CD7: variants seen among roughly 807,000 people sequenced by gnomAD.
CD7 encodes the protein CD7 molecule.
In CD7, 19 loss-of-function variants were observed where a neutral mutation model predicts 17.6. The observed-to-expected ratio is 1.08, with a 90% CI of 0.75 to 1.58. The LOEUF is 1.58. CD7 is among the 40% of genes most tolerant of loss of function. The pLI is 0.00. For synonymous variants in CD7, 160 were observed against 159.8 expected (o/e 1.00, Z -0.01); for missense variants, 291 against 327.1 (o/e 0.89, Z 0.85).
chr17:82,317,369 G>A, intron 1 of CD7, 45 bp downstream of exon 1: 1 of 1,505,290 alleles, frequency 6.6e-7, no homozygotes. Context: ...ATGGGGCAGG[G>A]AGAGCTCTGG....
rs901819364 is a variant in CD7 at position 82,315,189 on chromosome 17, C to T, written c.*132G>A. 5.2e-5 allele frequency: 34 copies of T among 649,408 alleles called. No individual in the cohort carries two copies. The highest frequency in any genetic ancestry group is 1.4e-4 in the East Asian group (5 of 36,094). The allele number at this position is 649,408 out of a possible 1,614,324, so 40.2% of individuals were successfully genotyped here. On this transcript the variant is annotated 3_prime_UTR_variant, in exon 4 of 4. Coordinates refer to ENST00000312648, the MANE Select transcript of CD7 (RefSeq NM_006137.7). ...CTGTGTGTCTGCTTGGAGCTGGGCACGGCTGGGCCCTTCAAACTCTGCTGC... is the reference window on the plus strand; with the variant it reads ...CTGTGTGTCTGCTTGGAGCTGGGCATGGCTGGGCCCTTCAAACTCTGCTGC...
Position 82,316,176 on chromosome 17 carries a change from A to T in CD7, c.612+19T>A. 6.4e-7 allele frequency: 1 copy of T among 1,550,506 alleles called. No homozygotes were observed. Among genetic ancestry groups the T allele is most frequent in the Non-Finnish European group, 8.7e-7 (1 of 1,146,430 alleles). On this transcript the variant is annotated intron_variant, in intron 3 of 3. Transcript: ENST00000312648. Reference sequence around the variant, plus strand: ...GAACAATCTTTGGGGTGCAGGTGGCAGCTGGGGCTCACACTGACCTGTGTC... The same window carrying T: ...GAACAATCTTTGGGGTGCAGGTGGCTGCTGGGGCTCACACTGACCTGTGTC...
Position 82,316,207 on chromosome 17 carries a change from C to T in CD7, c.600G>A (p.Leu200=), listed in dbSNP as rs749955935. Residue 200 remains leucine, a synonymous_variant, in exon 3 of 4, where the codon CTG becomes CTA. Coordinates refer to ENST00000312648, the MANE Select transcript of CD7 (RefSeq NM_006137.7). ...LGLGLGVACV[L]ARTQIKKLCS... ...GGCTCACACTGACCTGTGTCCTCGCCAGCACACACGCCACCCCCAGGCCCA... is the reference window on the plus strand; with the variant it reads ...GGCTCACACTGACCTGTGTCCTCGCTAGCACACACGCCACCCCCAGGCCCA... 8 of 1,561,162 alleles carry T rather than the reference C, an allele frequency of 5.1e-6. No individual in the cohort carries two copies. Among genetic ancestry groups the T allele is most frequent in the Middle Eastern group, 1.7e-4 (1 of 5,988 alleles).
intron 2 of CD7, 24 bp downstream of exon 2, chr17:82,316,643 G>C: frequency 1.9e-6 from 3 of 1,602,504 alleles, no homozygotes; most frequent in Middle Eastern, 1.7e-4. Flanking sequence ...TGGGAGGGGG[G>C]TCTGGGATGG....
chr17:82,315,157 C>A lies in CD7; in HGVS notation c.*164G>T. 1 of 605,230 alleles carries A rather than the reference C, an allele frequency of 1.7e-6. No homozygotes were observed. Among genetic ancestry groups the A allele is most frequent in the South Asian group, 1.8e-5 (1 of 55,186 alleles). The allele number at this position is 605,230 out of a possible 1,614,324, so 37.5% of individuals were successfully genotyped here. On this transcript the variant is annotated 3_prime_UTR_variant, in exon 4 of 4. Coordinates refer to ENST00000312648, the MANE Select transcript of CD7 (RefSeq NM_006137.7). The stretch of plus-strand genomic sequence containing the variant: ...CACTGAGAAGCACCGTGGGGCCTGG[C>A]CACTGCCTGTGTGTCTGCTTGGAGC...
chr17:82,316,772 T>C lies in CD7; in HGVS notation c.292A>G (p.Thr98Ala). The C allele has an allele frequency of 6.2e-7, 1 of 1,613,772 alleles. No homozygotes were observed. Among genetic ancestry groups the C allele is most frequent in the Non-Finnish European group, 8.5e-7 (1 of 1,179,926 alleles). The stretch of plus-strand genomic sequence containing the variant: ...AGCTGCAGGCGGTGCATGGTGATAG[T>C]CAGGTTGTCCTGGGACCCTGAGAAG... ...IDFSGSQDNL[T>A]ITMHRLQLSD... is the part of the protein sequence containing the mutation. Residue 98 changes from threonine to alanine, a missense_variant, in exon 2 of 4, where the codon ACT (threonine) becomes GCT (alanine). Transcript: ENST00000312648.
At position 82,315,593 on chromosome 17, in the gene CD7, C is replaced by T; in HGVS notation, c.613-162G>A. The T allele has an allele frequency of 4.9e-6, 3 of 617,260 alleles. No individual in the cohort carries two copies. The South Asian group carries it at 5.5e-5, about 11-fold the overall frequency. 38.2% of individuals were successfully genotyped at this position (617,260 alleles called of 1,614,324 possible). A position where few individuals can be genotyped will look rare whatever the true frequency, so the allele number is the denominator to read the frequency against. On this transcript the variant is annotated intron_variant, in intron 3 of 3. Transcript: ENST00000312648. ...CCAGGGCTTCCCAGCAGAGCCTTCC[C>T]CAGGCAGGGCTGGGTCGGACCCTGG... is the stretch of plus-strand genomic sequence containing the variant.
rs199836102 is a variant in CD7, at chr17:82,316,280, G to A, written c.527C>T (p.Ala176Val). 269 of 1,465,846 alleles carry A rather than the reference G, an allele frequency of 1.8e-4. No individual in the cohort carries two copies. The African/African-American group carries it at 3.2e-3, about 18-fold the overall frequency. The allele number at this position is 1,465,846 out of a possible 1,614,324, so 90.8% of individuals were successfully genotyped here. ...CGCCAGGGCCGCAGGGAGGGCAGAG[G>A]CTGCTGGCGGGTCAGGGAGGGCAGA... ...TASALPDPPAASALPAALAVI... is the reference protein window; with the variant it reads ...TASALPDPPAVSALPAALAVI... The change falls in exon 3 of 4, where the codon GCC becomes GTC. Residue 176 changes from alanine to valine, a missense_variant. Ala to Val is a moderately conservative substitution (Grantham distance 64, BLOSUM62 0). Transcript: ENST00000312648.
At chr17:82,315,763 T>C in intron 3 of CD7, 1 of 550,794 alleles carries the variant, frequency 1.8e-6, no homozygotes, top group Admixed American at 3.1e-5. Context: ...TGAGGCCCCC[T>C]CCCCTTCCCA....
chr17:82,317,343 T>G, intron 1 of CD7, 71 bp downstream of exon 1: 1 of 1,405,448 alleles, frequency 7.1e-7, no homozygotes. Context: ...TGGCTCAGAC[T>G]GGGGGCTCTG....
At chr17:82,315,732 C>T (rs1325379095) in intron 3 of CD7, 1 of 548,262 alleles carries the variant, frequency 1.8e-6, no homozygotes, top group East Asian at 3.1e-5. Flanking sequence ...GGAGTGGCCA[C>T]GCCTAGACTC....
chr17:82,317,422 G>T lies in CD7; in HGVS notation c.74C>A (p.Ala25Asp), dbSNP rs1285095709. 1 of 1,557,516 alleles carries T rather than the reference G, an allele frequency of 6.4e-7. No homozygotes were observed. The highest frequency in any genetic ancestry group is 8.7e-7 in the Non-Finnish European group (1 of 1,152,696). Residue 25 changes from alanine (A) to aspartate (D), a missense_variant, in exon 1 of 4, where the codon GCT (alanine) becomes GAT (aspartate). Physicochemically the swap from Ala to Asp is moderately radical, Grantham distance 126. Coordinates refer to ENST00000312648, the MANE Select transcript of CD7 (RefSeq NM_006137.7). ...GCCTGGGAAGCTCTTACCTTGGGCA[G>T]CCAGGGCCCCAGGCAGGCCGCGAGC... ...ALARGLPGAL[A>D]AQEVQQSPHC...
At chr17:82,316,626 C>T in intron 2 of CD7, 41 bp downstream of exon 2, 1 of 1,583,884 alleles carries the variant, frequency 6.3e-7, no homozygotes, top group Non-Finnish European at 8.6e-7. Context: ...TGGCCAGCAG[C>T]TGGGGTTGGG....
rs1229477316 is a variant in CD7 at position 82,317,524 on chromosome 17, G to T, written c.-29C>A. ...CCCCACACCCAGCTCTCCCAGCCGG[G>T]CGAGTGCAGCTGAGCCTCTCTGGGT... On this transcript the variant is annotated 5_prime_UTR_variant, in exon 1 of 4. Coordinates refer to ENST00000312648, the MANE Select transcript of CD7 (RefSeq NM_006137.7). The T allele has an allele frequency of 5.2e-6, 8 of 1,539,998 alleles. No individual in the cohort carries two copies. The highest frequency in any genetic ancestry group is 7.0e-6 in the Non-Finnish European group (8 of 1,141,168).
At position 82,315,320 on chromosome 17, in the gene CD7, G is replaced by A; in HGVS notation, c.*1C>T. The A allele has an allele frequency of 1.2e-6, 2 of 1,608,090 alleles. No individual in the cohort carries two copies. The highest frequency in any genetic ancestry group is 1.7e-6 in the Non-Finnish European group (2 of 1,175,476). On this transcript the variant is annotated 3_prime_UTR_variant, in exon 4 of 4. Coordinates refer to ENST00000312648, the MANE Select transcript of CD7 (RefSeq NM_006137.7). The stretch of plus-strand genomic sequence containing the variant: ...GGCGGGACGTGCAGGGGCCCACTGG[G>A]TCACTGGTACTGGTTGGGGGAGGAC...
In CD7 at chr17:82,315,127, T is replaced by G; in HGVS notation, c.*194A>C. On this transcript the variant is annotated 3_prime_UTR_variant, in exon 4 of 4. Coordinates refer to ENST00000312648, the MANE Select transcript of CD7 (RefSeq NM_006137.7). Reference sequence around the variant, plus strand: ...GGAAGGCTTCCCGGAGGAGGCATCATTGTCCACTGAGAAGCACCGTGGGGC... The same window carrying G: ...GGAAGGCTTCCCGGAGGAGGCATCAGTGTCCACTGAGAAGCACCGTGGGGC... The G allele has an allele frequency of 1.1e-5, 6 of 542,846 alleles. No individual in the cohort carries two copies. The highest frequency in any genetic ancestry group is 1.9e-5 in the African/African-American group (1 of 52,476). The allele number at this position is 542,846 out of a possible 1,614,324, so 33.6% of individuals were successfully genotyped here.
chr17:82,317,330 C>G (rs964534389), intron 1 of CD7, 84 bp downstream of exon 1: 31 of 1,316,356 alleles, frequency 2.4e-5, no homozygotes, highest in Admixed American at 4.0e-5. Context: ...GGGGGCTGTG[C>G]TGTGGCTCAG....
In CD7 at chr17:82,316,725, G is replaced by A; in HGVS notation, c.339C>T (p.Thr113=). 2 of 1,613,778 alleles carry A rather than the reference G, an allele frequency of 1.2e-6. No individual in the cohort carries two copies. The highest frequency in any genetic ancestry group is 1.7e-6 in the Non-Finnish European group (2 of 1,180,000). Residue 113 remains threonine (T), a synonymous_variant, in exon 2 of 4, where the codon ACC becomes ACT. Coordinates refer to ENST00000312648, the MANE Select transcript of CD7 (RefSeq NM_006137.7). The part of the protein sequence containing the change: ...RLQLSDTGTY[T]CQAITEVNVY... ...CATTGACCTCCGTGATGGCCTGGCA[G>A]GTGTAGGTGCCAGTGTCCGACAGCT... is the stretch of plus-strand genomic sequence containing the variant.
intron 3 of CD7, chr17:82,315,813 C>T: frequency 1.7e-6 from 1 of 582,636 alleles, no homozygotes; most frequent in Non-Finnish European, 3.1e-6. Flanking sequence ...CATGCACGCA[C>T]AGTCCTCAGA....
Sources: allele counts gnomAD v4.1 joint callset, GRCh38; gene constraint gnomAD v4.1.1; transcripts MANE v1.5; gene names NCBI Gene and HGNC (gene_info 2026-07-23, HGNC 2026-07-21).